FRYL: variants seen among roughly 807,000 people sequenced by gnomAD.
FRYL encodes the protein protein furry homolog-like.
A neutral mutation model predicts 351.2 loss-of-function variants in FRYL; 150 were observed. The ratio of observed to expected loss-of-function variants is 0.43; its 90% confidence interval spans 0.37 to 0.49. The LOEUF (loss-of-function observed/expected upper bound fraction) is 0.49, where lower values mean the gene tolerates loss of function less well. Ranked by LOEUF, FRYL falls within the 20% of genes least tolerant of loss-of-function variation. The probability of loss-of-function intolerance (pLI) is 0.00; values close to 1 mark genes in which losing one functional copy is unlikely to be tolerated. For missense variants in FRYL, 3,036 were observed against 3,619.3 expected, an observed-to-expected ratio of 0.84 and a Z score of 4.13; for synonymous variants, 1,153 against 1,257.1, an observed-to-expected ratio of 0.92 and a Z score of 1.75.
chr4:48,606,673 G>T, intron 9 of FRYL, 67 bp from the exon 10 acceptor site: 2 of 1,312,350 alleles, frequency 1.5e-6, no homozygotes, highest in Admixed American at 2.1e-5. Flanking sequence ...GATATTTAAG[G>T]GTAAAAATCA....
At chr4:48,573,716 AT>A (rs1298918931) in intron 25 of FRYL, among the ~76,000 whole-genome samples, 1 of 151,740 alleles carries the variant, frequency 6.6e-6, no homozygotes, top group Non-Finnish European at 1.5e-5. Context: ...TGCCTGGCTA[AT>A]TTTTTGTATT....
intron 21 of FRYL, 51 bp downstream of exon 21, chr4:48,581,369 T>C: frequency 1.3e-6 from 2 of 1,491,718 alleles, no homozygotes; most frequent in Non-Finnish European, 9.1e-7. Context: ...GACAAAGAGA[T>C]GGTTTTTAAG....
chr4:48,581,307 G>A lies in FRYL; in HGVS notation c.2172+113C>T, dbSNP rs1243598881. On this transcript the variant is annotated intron_variant, in intron 21 of 63. Coordinates refer to ENST00000358350, the MANE Select transcript of FRYL (RefSeq NM_015030.2). The stretch of plus-strand genomic sequence containing the variant: ...CCGACTCGGCCTCCCAATTGAGAAC[G>A]GTAGGTTAGTTTAGACCCATGGTAG... 1.5e-5 allele frequency: 13 copies of A among 843,044 alleles called. 1 individual carries two copies. In the Admixed American group the frequency reaches 2.2e-4, roughly 14 times the overall value. The allele number at this position is 843,044 out of a possible 1,614,324, so 52.2% of individuals were successfully genotyped here.
At chr4:48,504,672 C>T (rs1720516849) in intron 60 of FRYL, among the ~76,000 whole-genome samples, 1 of 152,114 alleles carries the variant, frequency 6.6e-6, no homozygotes, top group Non-Finnish European at 1.5e-5. Context: ...AAATTAGCAT[C>T]TCTGAACCTC....
intron 55 of FRYL, among the ~76,000 whole-genome samples, chr4:48,515,547 AT>A (rs1488437074): frequency 2.7e-5 from 4 of 150,824 alleles, no homozygotes; most frequent in Admixed American, 1.3e-4. Context: ...TTTTTTTTGT[AT>A]TTTTTAGTAG....
In FRYL at chr4:48,564,948, A is replaced by G; in HGVS notation, c.3426T>C (p.Asp1142=). Residue 1142 remains aspartate (D), a synonymous_variant, in exon 30 of 64, where the codon GAT becomes GAC. Coordinates refer to ENST00000358350, the MANE Select transcript of FRYL (RefSeq NM_015030.2). ...YLYKWLDNIL[D]SLDKKVHQLG... is the part of the protein sequence containing the mutation. ...TCATAATTACCTTTTTGTCCAGAGA[A>G]TCCAAAATGTTATCCAACCATTTGT... 1 of 1,583,152 alleles carries G rather than the reference A, an allele frequency of 6.3e-7. No individual in the cohort carries two copies. Among genetic ancestry groups the G allele is most frequent in the Non-Finnish European group, 8.7e-7 (1 of 1,155,922 alleles).
At chr4:48,586,331 A>G (rs567378138) in intron 19 of FRYL, among the ~76,000 whole-genome samples, 18 of 152,254 alleles carry the variant, frequency 1.2e-4, no homozygotes, top group African/African-American at 3.9e-4. Context: ...ATGTTAAGGG[A>G]TAATGTGTTA....
intron 1 of FRYL, among the ~76,000 whole-genome samples, chr4:48,754,668 G>GGTTTTT (rs1348886664): frequency 7.0e-6 from 1 of 142,236 alleles, no homozygotes; most frequent in South Asian, 2.2e-4. Context: ...TTTTTTTGGG[G>GGTTTTT]TTTTTTTTTT....
Position 48,562,977 on chromosome 4 carries a change from C to T in FRYL, c.3608G>A (p.Cys1203Tyr), listed in dbSNP as rs761709437. Residue 1203 changes from cysteine (C) to tyrosine (Y), a missense_variant, in exon 32 of 64, where the codon TGT becomes TAT. By Grantham distance (194) the Cys-to-Tyr change is radical (BLOSUM62 -2). Coordinates refer to ENST00000358350, the MANE Select transcript of FRYL (RefSeq NM_015030.2). ...ANVFQNRDYQCDTVMLLNLIL... is the reference protein window; with the variant it reads ...ANVFQNRDYQYDTVMLLNLIL... ...CAGATTTAGAAGCATCACTGTGTCA[C>T]ATTGATAATCCCTAGGAATAAATTT... 8.8e-6 allele frequency: 14 copies of T among 1,587,828 alleles called. No individual in the cohort carries two copies.
Position 48,540,902 on chromosome 4 carries a change from C to T in FRYL, c.5746G>A (p.Gly1916Arg). ...NKYAANRKSTGQLNLSTSPIN... is the reference protein window; with the variant it reads ...NKYAANRKSTRQLNLSTSPIN... Reference sequence around the variant, plus strand: ...GGACTTGTGCTTAGATTGAGTTGTCCAGTGCTTTTCCTGTTAGCTGCATAC... The same window carrying T: ...GGACTTGTGCTTAGATTGAGTTGTCTAGTGCTTTTCCTGTTAGCTGCATAC... Residue 1916 changes from glycine (G) to arginine (R), a missense_variant, in exon 46 of 64, where the codon GGA (glycine) becomes AGA (arginine). Transcript: ENST00000358350. The T allele has an allele frequency of 6.2e-7, 1 of 1,612,552 alleles. No homozygotes were observed. The highest frequency in any genetic ancestry group is 8.5e-7 in the Non-Finnish European group (1 of 1,178,914).
chr4:48,691,148 T>TCACCTGCAATCTCACAACTTGTAC (rs1765640849), intron 2 of FRYL, among the ~76,000 whole-genome samples: 1 of 152,222 alleles, frequency 6.6e-6, no homozygotes, highest in Non-Finnish European at 1.5e-5. Context: ...AGGTCATTTG[T>TCACCTGCAATCTCACAACTTGTAC]CACCTGCAAT....
chr4:48,593,737 TCAAACAAA>T (rs1005844028), intron 16 of FRYL, among the ~76,000 whole-genome samples, 185 bp downstream of exon 16: 5 of 152,056 alleles, frequency 3.3e-5, no homozygotes, highest in African/African-American at 9.7e-5. Context: ...AAACTCTGTC[TCAAACAAA>T]CAAACAAACA....
chr4:48,709,024 C>CCAT (rs999468959), intron 2 of FRYL, among the ~76,000 whole-genome samples: 1 of 151,488 alleles, frequency 6.6e-6, no homozygotes, highest in Non-Finnish European at 1.5e-5. Context: ...TGGGTTCACG[C>CCAT]CATTCTCCTG....
chr4:48,675,966 G>C (rs565988405), intron 3 of FRYL, among the ~76,000 whole-genome samples: 1 of 152,312 alleles, frequency 6.6e-6, no homozygotes, highest in Non-Finnish European at 1.5e-5. Context: ...TGTATATCTA[G>C]CTGCTCTGGT....
intron 44 of FRYL, among the ~76,000 whole-genome samples, chr4:48,542,393 G>A (rs1730392014): frequency 6.6e-6 from 1 of 152,148 alleles, no homozygotes; most frequent in Non-Finnish European, 1.5e-5. Flanking sequence ...GAATCCACCA[G>A]CAAGTCTTGA....
intron 23 of FRYL, among the ~76,000 whole-genome samples, 156 bp from the exon 24 acceptor site, chr4:48,576,378 C>A (rs1236372717): frequency 6.6e-6 from 1 of 151,302 alleles, no homozygotes; most frequent in Non-Finnish European, 1.5e-5. Context: ...TCTTGGCTCA[C>A]TGCAACCTCC....
intron 42 of FRYL, among the ~76,000 whole-genome samples, chr4:48,545,448 C>T (rs949997663): frequency 3.9e-5 from 6 of 152,150 alleles, no homozygotes; most frequent in African/African-American, 1.2e-4. Flanking sequence ...GCATCCTACA[C>T]GCTGTTATGG....
intron 40 of FRYL, among the ~76,000 whole-genome samples, chr4:48,548,043 T>A (rs1041442476): frequency 1.3e-5 from 2 of 152,084 alleles, no homozygotes; most frequent in African/African-American, 4.8e-5. Flanking sequence ...CATAAAAAAA[T>A]TCATGGAAAT....
At chr4:48,507,913 C>T (rs960499138) in intron 59 of FRYL, among the ~76,000 whole-genome samples, 4 of 152,088 alleles carry the variant, frequency 2.6e-5, no homozygotes, top group Non-Finnish European at 4.4e-5. Flanking sequence ...CGGCAGAGAC[C>T]GCTGGTCTCA....
Sources: allele counts gnomAD v4.1 joint callset (sites outside exome capture counted in the v4.1 genomes callset), GRCh38; gene constraint gnomAD v4.1.1; transcripts MANE v1.5; gene names NCBI Gene and HGNC (gene_info 2026-07-23, HGNC 2026-07-21).